SMC2: variants seen among roughly 807,000 people sequenced by gnomAD.
SMC2 encodes the protein structural maintenance of chromosomes 2.
A neutral mutation model predicts 142.6 loss-of-function variants in SMC2; 41 were observed. The observed-to-expected ratio is 0.29, with a 90% CI of 0.22 to 0.37. The LOEUF (loss-of-function observed/expected upper bound fraction) is 0.37, where lower values mean the gene tolerates loss of function less well. SMC2 is among the 10% of genes least tolerant of loss of function. SMC2 has a pLI of 1.00. For missense variants in SMC2, 1,265 were observed against 1,373.7 expected (o/e 0.92, Z 1.25); for synonymous variants, 463 against 457.5 (o/e 1.01, Z -0.15).
In SMC2 at chr9:104,139,302, A is replaced by C. The variant is rs990552269; in HGVS notation, c.3581A>C (p.His1194Pro). The C allele has an allele frequency of 6.3e-7, 1 of 1,582,830 alleles. No individual in the cohort carries two copies. The highest frequency in any genetic ancestry group is 8.5e-7 in the Non-Finnish European group (1 of 1,170,786). Residue 1194 changes from histidine (H) to proline (P), a missense_variant, in exon 25 of 25, where the codon CAT (histidine) becomes CCT (proline). This residue lies in a region of SMC2 where 192 missense variants were observed against 261.9 expected (regional missense o/e 0.73). Transcript: ENST00000374793. Reference protein sequence around the residue: ...KSKAKPPKGAHVEV With the variant: ...KSKAKPPKGAPVEV ...AAGGCAAAACCACCCAAAGGAGCAC[A>C]TGTGGAAGTTTAAACTACAAAGTTA...
At chr9:104,115,556 G>A (rs528365020) in intron 13 of SMC2, among the ~76,000 whole-genome samples, 2 of 151,590 alleles carry the variant, frequency 1.3e-5, no homozygotes, top group East Asian at 3.9e-4. Flanking sequence ...CTGCGCTCCT[G>A]CCTGGGCAAC....
In SMC2 at chr9:104,125,080, G is replaced by A. The variant is rs1176136072; in HGVS notation, c.2426G>A (p.Ser809Asn). The A allele has an allele frequency of 1.2e-5, 19 of 1,574,672 alleles. No individual in the cohort carries two copies. Among genetic ancestry groups the A allele is most frequent in the Non-Finnish European group, 1.5e-5 (18 of 1,169,750 alleles). ...GCCAAAACAAAGGCAGATGCATCTA[G>A]CAAGAAGATGAAAGAAAAACAACAG... ...DCAKTKADAS[S>N]KKMKEKQQEV... Residue 809 changes from serine (S) to asparagine (N), a missense_variant, in exon 18 of 25, where the codon AGC becomes AAC. Coordinates refer to ENST00000374793, the MANE Select transcript of SMC2 (RefSeq NM_006444.3).
intron 19 of SMC2, among the ~76,000 whole-genome samples, chr9:104,127,026 C>T (rs565817220): frequency 1.1e-4 from 17 of 152,132 alleles, no homozygotes; most frequent in South Asian, 1.0e-3. Context: ...TAACAAAAAA[C>T]GCTCTCATTT....
intron 23 of SMC2, 117 bp downstream of exon 23, chr9:104,134,692 A>T: frequency 1.6e-6 from 1 of 642,938 alleles, no homozygotes; most frequent in Non-Finnish European, 2.5e-6. Flanking sequence ...TAAGGAGTCT[A>T]ATATATAAGA....
At chr9:104,112,868 G>A (rs1328317385) in intron 10 of SMC2, among the ~76,000 whole-genome samples, 1 of 152,084 alleles carries the variant, frequency 6.6e-6, no homozygotes, top group Non-Finnish European at 1.5e-5. Context: ...TTCTTTTCCT[G>A]TATAATCTTA....
chr9:104,107,223 C>T (rs1475839708), intron 9 of SMC2, among the ~76,000 whole-genome samples: 1 of 152,142 alleles, frequency 6.6e-6, no homozygotes, highest in East Asian at 1.9e-4. Context: ...CAGTTTAAGT[C>T]ACAGCGTCGC....
intron 22 of SMC2, among the ~76,000 whole-genome samples, chr9:104,133,803 C>T (rs1835235926): frequency 1.3e-5 from 2 of 152,122 alleles, no homozygotes; most frequent in Non-Finnish European, 2.9e-5. Context: ...CCCTCAACAG[C>T]TTAACCTCTT....
chr9:104,098,496 CA>C lies in SMC2; in HGVS notation c.371del (p.Asn124ThrfsTer31). 6.3e-7 allele frequency: 1 copy of C among 1,598,580 alleles called. No individual in the cohort carries two copies. The highest frequency in any genetic ancestry group is 8.5e-7 in the Non-Finnish European group (1 of 1,173,972). Reference sequence around the variant, plus strand: ...ATTTAATCAATGGAGTCAATGCCAACAACACCAGAGTACAGGATCTCTTCTG... The same window carrying C: ...ATTTAATCAATGGAGTCAATGCCAACACACCAGAGTACAGGATCTCTTCTG... ...KYLINGVNAN[N>X]TRVQDLFCSV... On this transcript the variant is annotated frameshift_variant, in exon 4 of 25. Transcript: ENST00000374793. LOFTEE classifies it high-confidence loss of function.
At chr9:104,111,365 TG>T (rs1832423457) in intron 9 of SMC2, among the ~76,000 whole-genome samples, 1 of 152,190 alleles carries the variant, frequency 6.6e-6, no homozygotes, top group Admixed American at 6.5e-5. Flanking sequence ...ATTTATAACA[TG>T]GAATGAACCA....
chr9:104,095,252 G>A (rs1244829962), intron 1 of SMC2, 72 bp from the exon 2 acceptor site: 3 of 691,266 alleles, frequency 4.3e-6, no homozygotes, highest in Non-Finnish European at 7.4e-6. Flanking sequence ...TATCGTTGCT[G>A]TTTTTGCCTC....
intron 23 of SMC2, among the ~76,000 whole-genome samples, chr9:104,135,074 G>A (rs537103217): frequency 6.6e-6 from 1 of 152,156 alleles, no homozygotes; most frequent in African/African-American, 2.4e-5. Context: ...ACTGTTATTT[G>A]TTTATCAGAA....
At position 104,127,487 on chromosome 9, in the gene SMC2, G is replaced by A. The variant is rs375950477; in HGVS notation, c.2790+7G>A. ...TGAAGATGGTGCTGCAAAGGTATAC[G>A]TTTGTGTGCATTTTTTATACTAAAT... On this transcript the variant is annotated splice_region_variant and intron_variant, in intron 20 of 24. Transcript: ENST00000374793. 6.5e-5 allele frequency: 99 copies of A among 1,526,398 alleles called. No homozygotes were observed. The African/African-American group carries it at 8.6e-4, about 13-fold the overall frequency. The allele number at this position is 1,526,398 out of a possible 1,614,324, so 94.6% of individuals were successfully genotyped here.
At chr9:104,109,095 C>A (rs577820303) in intron 9 of SMC2, among the ~76,000 whole-genome samples, 11 of 152,146 alleles carry the variant, frequency 7.2e-5, no homozygotes, top group Non-Finnish European at 1.5e-4. Context: ...TCTAAGGACA[C>A]CCAGATGACT....
intron 22 of SMC2, 37 bp downstream of exon 22, chr9:104,132,162 A>G (rs895291649): frequency 1.9e-6 from 2 of 1,052,956 alleles, no homozygotes; most frequent in Non-Finnish European, 1.5e-6. Flanking sequence ...GGTTGCAAGG[A>G]TGAAAAAATA....
At position 104,139,220 on chromosome 9, in the gene SMC2, A is replaced by G; in HGVS notation, c.3499A>G (p.Thr1167Ala). The change falls in exon 25 of 25, where the codon ACA (threonine) becomes GCA (alanine). Residue 1167 changes from threonine (T) to alanine (A), a missense_variant. By Grantham distance (58) the Thr-to-Ala change is moderately conservative (BLOSUM62 0). This residue lies in a region of SMC2 where 192 missense variants were observed against 261.9 expected (regional missense o/e 0.73). Coordinates refer to ENST00000374793, the MANE Select transcript of SMC2 (RefSeq NM_006444.3). ...FKTKFVDGVSTVARFTQCQNG... is the reference protein window; with the variant it reads ...FKTKFVDGVSAVARFTQCQNG... ...AACCAAGTTTGTGGATGGTGTTTCT[A>G]CAGTAGCCAGATTTACTCAATGTCA... 2.5e-6 allele frequency: 4 copies of G among 1,603,390 alleles called. No homozygotes were observed. The highest frequency in any genetic ancestry group is 3.4e-6 in the Non-Finnish European group (4 of 1,176,310).
rs1290066239 is a variant in SMC2, at chr9:104,139,578, G to C, written c.*263G>C. On this transcript the variant is annotated 3_prime_UTR_variant, in exon 25 of 25. Transcript: ENST00000374793. ...TCTTATGCGGGTCTTTTATATATTA[G>C]GGATCCTGAGATACCCGATTCTATA... is the stretch of plus-strand genomic sequence containing the variant. The C allele has an allele frequency of 1.4e-5, 4 of 276,948 alleles. No individual in the cohort carries two copies. The highest frequency in any genetic ancestry group is 2.2e-5 in the African/African-American group (1 of 44,756). The allele number at this position is 276,948 out of a possible 1,614,324, so 17.2% of individuals were successfully genotyped here.
chr9:104,105,333 C>T (rs779861789), intron 9 of SMC2, among the ~76,000 whole-genome samples: 1 of 152,060 alleles, frequency 6.6e-6, no homozygotes, highest in African/African-American at 2.4e-5. Flanking sequence ...ACCGTCTGCC[C>T]GCTTTCCAGG....
chr9:104,129,241 G>A (rs765796266), intron 20 of SMC2, among the ~76,000 whole-genome samples: 3 of 152,028 alleles, frequency 2.0e-5, no homozygotes, highest in South Asian at 2.1e-4. Context: ...GGTGGCTCAC[G>A]CCTGTAATCC....
At chr9:104,099,768 A>G (rs1470828552) in intron 5 of SMC2, 86 bp downstream of exon 5, 27 of 871,294 alleles carry the variant, frequency 3.1e-5, no homozygotes, top group Middle Eastern at 3.3e-4. Flanking sequence ...TTCTATTAAA[A>G]TTTTTGGAGA....
Sources: gnomAD v4.1 joint callset for allele counts (sites outside exome capture counted in the v4.1 genomes callset) on GRCh38, gnomAD v4.1.1 for gene constraint, gnomAD v4.1.1 regional missense constraint, MANE v1.5 for transcripts, NCBI Gene and HGNC (gene_info 2026-07-23, HGNC 2026-07-21) for gene names.